DPP6: variants seen among roughly 807,000 people sequenced by gnomAD.
DPP6 encodes A-type potassium channel modulatory protein DPP6.
In DPP6, 69 loss-of-function variants were observed where a neutral mutation model predicts 122.6. That is an observed-to-expected ratio of 0.56 (90% confidence interval 0.46 to 0.69). The LOEUF (loss-of-function observed/expected upper bound fraction) is 0.69, where lower values mean the gene tolerates loss of function less well. Ranked by LOEUF, DPP6 falls within the 30% of genes least tolerant of loss-of-function variation. DPP6 has a pLI of 0.00. For synonymous variants in DPP6, 418 were observed against 433.1 expected, an observed-to-expected ratio of 0.97 and a Z score of 0.43; for missense variants, 928 against 1,116.9, an observed-to-expected ratio of 0.83 and a Z score of 2.41.
At chr7:153,749,629 C>T in the DPP6 span, among the ~76,000 whole-genome samples, 2 of 152,200 alleles carry the variant, frequency 1.3e-5, no homozygotes, top group Non-Finnish European at 2.9e-5. The surrounding 1 kb of genome is among the most constrained non-coding windows in gnomAD (Gnocchi z 4.1). Flanking sequence ...ACTTGGGAAA[C>T]GTTTACTCCC....
chr7:154,569,019 T>C (rs1467810948), intron 5 of DPP6, among the ~76,000 whole-genome samples: 1 of 152,160 alleles, frequency 6.6e-6, no homozygotes, highest in African/African-American at 2.4e-5. Flanking sequence ...ATGAGTAGTG[T>C]GTCTTCTCTC....
intron 5 of DPP6, among the ~76,000 whole-genome samples, chr7:154,572,538 G>A (rs1208250142): frequency 1.8e-4 from 10 of 54,428 alleles, no homozygotes; most frequent in South Asian, 6.2e-4. Flanking sequence ...TTTTTTTTTG[G>A]TGGTGTCTCA....
chr7:154,310,376 A>G (rs1806761134), intron 1 of DPP6, among the ~76,000 whole-genome samples: 1 of 152,208 alleles, frequency 6.6e-6, no homozygotes, highest in South Asian at 2.1e-4. Context: ...GATCCGTGTC[A>G]CCAACTTACT....
chr7:154,027,435 A>G lies in DPP6; in HGVS notation c.51+139701A>G, dbSNP rs189981592. 1.3e-4 allele frequency among the ~76,000 whole-genome samples: 20 copies of G among 152,270 alleles called. No homozygotes were observed. The South Asian group carries it at 2.5e-3, about 19-fold the overall frequency. On this transcript the variant is annotated intron_variant, in intron 1 of 25. Coordinates refer to the DPP6 transcript ENST00000404039. ...CTGGGAACATGTGGCTTCCTGACCC[A>G]CAGAGGATGGCTTCTCGCTGTGTCC...
intron 1 of DPP6, among the ~76,000 whole-genome samples, chr7:154,398,509 A>C (rs560477938): frequency 6.6e-6 from 1 of 152,314 alleles, no homozygotes; most frequent in East Asian, 1.9e-4. Flanking sequence ...CACCAATGTG[A>C]TCATAAGAAG....
At chr7:153,954,570 T>C (rs1427306188) in intron 1 of DPP6, among the ~76,000 whole-genome samples, 1 of 152,218 alleles carries the variant, frequency 6.6e-6, no homozygotes. Flanking sequence ...CAAACATTAT[T>C]CTGGGTGTTT....
chr7:153,974,977 G>A (rs1448840299), intron 1 of DPP6, among the ~76,000 whole-genome samples: 30 of 152,222 alleles, frequency 2.0e-4, no homozygotes, highest in East Asian at 1.2e-3. Flanking sequence ...ATGTCCAAGC[G>A]AGGGCTCACA....
intron 16 of DPP6, among the ~76,000 whole-genome samples, chr7:154,842,961 A>G (rs573541088): frequency 5.8e-4 from 88 of 152,372 alleles, no homozygotes; most frequent in Admixed American, 4.1e-3. Flanking sequence ...AGGACCAGGC[A>G]GAGAGAATCC....
intron 1 of DPP6, among the ~76,000 whole-genome samples, chr7:154,197,895 C>T (rs531641590): frequency 6.6e-6 from 1 of 152,280 alleles, no homozygotes; most frequent in African/African-American, 2.4e-5. Flanking sequence ...ACTGGTCCAC[C>T]TGGAAGACCT....
the DPP6 span, among the ~76,000 whole-genome samples, chr7:153,776,341 C>T: frequency 6.6e-6 from 1 of 152,044 alleles, no homozygotes; most frequent in East Asian, 1.9e-4. Context: ...CCATGCTGTT[C>T]CCGTGATAGT....
At chr7:154,017,334 G>A (rs1317075722) in intron 1 of DPP6, among the ~76,000 whole-genome samples, 2 of 152,202 alleles carry the variant, frequency 1.3e-5, no homozygotes, top group African/African-American at 4.8e-5. Context: ...CTCCCAAAGT[G>A]CTGGGATTAC....
At chr7:154,151,869 G>GAGGA (rs1344658455) in intron 1 of DPP6, among the ~76,000 whole-genome samples, 1 of 151,882 alleles carries the variant, frequency 6.6e-6, no homozygotes, top group African/African-American at 2.4e-5. Flanking sequence ...CCCTGGGGCT[G>GAGGA]AGGAGGCAGG....
At chr7:154,346,090 C>T (rs986570163) in intron 1 of DPP6, among the ~76,000 whole-genome samples, 9 of 152,028 alleles carry the variant, frequency 5.9e-5, no homozygotes, top group African/African-American at 2.2e-4. Flanking sequence ...GAAAATGGGC[C>T]GCAATTAAAA....
intron 1 of DPP6, among the ~76,000 whole-genome samples, chr7:153,957,569 G>A (rs1436570202): frequency 3.3e-5 from 5 of 152,288 alleles, no homozygotes; most frequent in South Asian, 4.2e-4. Context: ...AAGTGAGGGC[G>A]AGAAGGAGGC....
chr7:154,044,842 A>G (rs552850243), intron 1 of DPP6, among the ~76,000 whole-genome samples: 3 of 152,330 alleles, frequency 2.0e-5, no homozygotes, highest in East Asian at 3.9e-4. Flanking sequence ...TGAAAAAGCA[A>G]TGAGTCCAAA....
chr7:154,089,826 A>C (rs937895762), intron 1 of DPP6, among the ~76,000 whole-genome samples: 10 of 152,036 alleles, frequency 6.6e-5, no homozygotes, highest in African/African-American at 1.9e-4. Context: ...TTTAATCATT[A>C]TCAGTAGCAG....
At chr7:154,277,087 A>G (rs139562225) in intron 1 of DPP6, among the ~76,000 whole-genome samples, 12 of 152,364 alleles carry the variant, frequency 7.9e-5, no homozygotes, top group Admixed American at 6.5e-5. Context: ...TGTTTATAGT[A>G]TGAGCTAAAG....
At chr7:154,185,579 A>G (rs1272229418) in intron 1 of DPP6, among the ~76,000 whole-genome samples, 1 of 152,116 alleles carries the variant, frequency 6.6e-6, no homozygotes, top group African/African-American at 2.4e-5. Context: ...TTATGATTCT[A>G]TGGTTTTCTT....
intron 1 of DPP6, among the ~76,000 whole-genome samples, chr7:154,218,665 A>ATT (rs1375128813): frequency 2.0e-5 from 3 of 152,158 alleles, no homozygotes; most frequent in African/African-American, 7.2e-5. Flanking sequence ...ATGATTCATC[A>ATT]TTTTCCTTGT....
Sources: allele counts gnomAD v4.1 joint callset (sites outside exome capture counted in the v4.1 genomes callset), GRCh38; gene constraint gnomAD v4.1.1; non-coding constraint Gnocchi (gnomAD v3.1); transcripts MANE v1.5; gene names NCBI Gene and HGNC (gene_info 2026-07-23, HGNC 2026-07-21).